WDR73: variants seen among roughly 807,000 people sequenced by gnomAD.
WDR73 encodes the protein WD repeat domain 73, also known as integrator complex assembly factor WDR73.
Under a neutral mutation model 38.2 loss-of-function variants are expected in WDR73, and 30 were observed. That is an observed-to-expected ratio of 0.79 (90% CI 0.59 to 1.06). The LOEUF (loss-of-function observed/expected upper bound fraction) is 1.06. WDR73 is among the 50% of genes least tolerant of loss of function. The probability of loss-of-function intolerance (pLI) is 0.00; values close to 1 mark genes in which losing one functional copy is unlikely to be tolerated. For synonymous variants in WDR73, 197 were observed against 176.0 expected (o/e 1.12, Z -0.94); for missense variants, 487 against 467.0 (o/e 1.04, Z -0.40).
intron 3 of WDR73, among the ~76,000 whole-genome samples, chr15:84,652,003 G>GA (rs1203150907): frequency 1.3e-5 from 2 of 152,124 alleles, no homozygotes; most frequent in Non-Finnish European, 2.9e-5. Context: ...GAGTAGCTGG[G>GA]ATTACAGGTG....
chr15:84,649,810 A>G (rs1270287488), intron 3 of WDR73, among the ~76,000 whole-genome samples: 1 of 152,068 alleles, frequency 6.6e-6, no homozygotes, highest in Admixed American at 6.6e-5. Flanking sequence ...TGGGCTTGCC[A>G]TGTTGTCCAG....
intron 6 of WDR73, 151 bp downstream of exon 6, chr15:84,646,033 A>G (rs576575240): frequency 1.9e-6 from 3 of 1,543,744 alleles, no homozygotes; most frequent in Non-Finnish European, 2.6e-6. Flanking sequence ...GCCCCAGCAT[A>G]GGAGCCCTTA....
intron 4 of WDR73, 79 bp downstream of exon 4, chr15:84,648,455 TGAG>T: frequency 7.4e-6 from 7 of 950,966 alleles, no homozygotes; most frequent in Admixed American, 3.5e-5. Flanking sequence ...GGAATGGAGA[TGAG>T]GAGGCAGAAT....
intron 3 of WDR73, among the ~76,000 whole-genome samples, chr15:84,650,790 C>G (rs1213873619): frequency 6.6e-6 from 1 of 152,052 alleles, no homozygotes; most frequent in Admixed American, 6.6e-5. Flanking sequence ...CATGAGTCAC[C>G]GCACTCGGAT....
rs1383743010 is a variant in WDR73 at position 84,643,640 on chromosome 15, G to T, written c.967C>A (p.Pro323Thr). ...ATGTGACCTCTGTGAGTGAAGAGAG[G>T]TTCTACTTGGCTCCGTGTTCCATCT... is the stretch of plus-strand genomic sequence containing the variant. ...SQDGTRSQVE[P>T]LFTHRGHIFL... The change falls in exon 8 of 8, where the codon CCT (proline) becomes ACT (threonine). Residue 323 changes from proline (P) to threonine (T), a missense_variant. Pro to Thr is a conservative substitution (Grantham distance 38). Transcript: ENST00000434634. The T allele has an allele frequency of 6.2e-7, 1 of 1,612,362 alleles. No homozygotes were observed. The highest frequency in any genetic ancestry group is 8.5e-7 in the Non-Finnish European group (1 of 1,179,238).
rs201294090 is a variant in WDR73 at position 84,643,672 on chromosome 15, C to T, written c.935G>A (p.Arg312Gln). Residue 312 changes from arginine to glutamine, a missense_variant, in exon 8 of 8, where the codon CGG becomes CAG. By Grantham distance (43) the Arg-to-Gln change is conservative (BLOSUM62 1). Transcript: ENST00000434634. ...VYDATSWDGT[R>Q]SQDGTRSQVE... ...TTGGCTCCGTGTTCCATCTTGGCTC[C>T]GTGTTCCATCCCAAGATGTGGCATC... 3.0e-4 allele frequency: 418 copies of T among 1,374,750 alleles called. 1 individual carries two copies. The African/African-American group carries it at 5.1e-3, about 17-fold the overall frequency. 85.2% of individuals were successfully genotyped at this position (1,374,750 alleles called of 1,614,324 possible).
chr15:84,650,516 A>G (rs1896589146), intron 3 of WDR73, among the ~76,000 whole-genome samples: 2 of 152,132 alleles, frequency 1.3e-5, no homozygotes, highest in East Asian at 3.9e-4. Context: ...GCATGCCACC[A>G]CACCCGGCTA....
intron 1 of WDR73, 149 bp downstream of exon 1, chr15:84,654,085 G>T: frequency 1.9e-6 from 2 of 1,035,994 alleles, no homozygotes; most frequent in South Asian, 1.4e-5. Context: ...GGGGGCCTAG[G>T]CCCAGGCGGA....
At chr15:84,645,364 C>T (rs1206616861) in intron 7 of WDR73, 107 bp downstream of exon 7, 2 of 1,552,648 alleles carry the variant, frequency 1.3e-6, no homozygotes, top group East Asian at 2.4e-5. Flanking sequence ...GCAACTTTAA[C>T]TCCTGGAGCC....
chr15:84,643,639 GGTTCTACTTGGCTCCGT>G lies in WDR73; in HGVS notation c.951_967del (p.Arg318SerfsTer40). On this transcript the variant is annotated frameshift_variant, in exon 8 of 8. Transcript: ENST00000434634. LOFTEE classifies it high-confidence loss of function. ...GATGTGACCTCTGTGAGTGAAGAGA[GGTTCTACTTGGCTCCGT>G]GTTCCATCTTGGCTCCGTGTTCCAT... The G allele has an allele frequency of 1.2e-6, 2 of 1,612,630 alleles. No individual in the cohort carries two copies. The highest frequency in any genetic ancestry group is 1.1e-5 in the South Asian group (1 of 90,614).
At chr15:84,646,073 G>T in intron 6 of WDR73, 111 bp downstream of exon 6, 2 of 1,564,776 alleles carry the variant, frequency 1.3e-6, no homozygotes, top group Non-Finnish European at 1.7e-6. Context: ...TATTCACTGT[G>T]TATCCCCAAC....
intron 7 of WDR73, chr15:84,644,152 T>C (rs1361332324): frequency 1.2e-5 from 2 of 160,294 alleles, no homozygotes; most frequent in African/African-American, 2.4e-5. Flanking sequence ...ACTGTTATTT[T>C]ACCCAGGAAA....
intron 7 of WDR73, chr15:84,644,575 CTTTTTTT>C (rs397853712): frequency 0.027 from 2,936 of 109,584 alleles, 50 homozygotes; most frequent in Middle Eastern, 0.056. Context: ...TGGCTTGCTA[CTTTTTTT>C]TTTTTTTTTT....
At position 84,654,282 on chromosome 15, in the gene WDR73, A is replaced by T; in HGVS notation, c.-8T>A. Reference sequence around the variant, plus strand: ...GTCGTCCCCAGGATCCATGGCAACGACCGCTTCCGGCGTCTCACTTCCGCC... The same window carrying T: ...GTCGTCCCCAGGATCCATGGCAACGTCCGCTTCCGGCGTCTCACTTCCGCC... On this transcript the variant is annotated 5_prime_UTR_variant, in exon 1 of 8. Coordinates refer to ENST00000434634, the MANE Select transcript of WDR73 (RefSeq NM_032856.5). The T allele has an allele frequency of 6.2e-7, 1 of 1,613,848 alleles. No homozygotes were observed. The highest frequency in any genetic ancestry group is 8.5e-7 in the Non-Finnish European group (1 of 1,179,808).
In WDR73 at chr15:84,642,917, ATGGGCCCTCAAAAGGAAATGTTTG is replaced by A. The variant is rs930309739; in HGVS notation, c.*529_*552del. ...TGTCCAGCACACTTTAATATTCACT[ATGGGCCCTCAAAAGGAAATGTTTG>A]TGGGGCCACCAAAAGCAAATGTCTC... On this transcript the variant is annotated 3_prime_UTR_variant, in exon 8 of 8. Coordinates refer to ENST00000434634, the MANE Select transcript of WDR73 (RefSeq NM_032856.5). 2 of 157,072 alleles carry A rather than the reference ATGGGCCCTCAAAAGGAAATGTTTG, an allele frequency of 1.3e-5. No individual in the cohort carries two copies. Among genetic ancestry groups the A allele is most frequent in the African/African-American group, 4.8e-5 (2 of 41,422 alleles). The allele number at this position is 157,072 out of a possible 1,614,324, so 9.7% of individuals were successfully genotyped here.
chr15:84,646,239 C>G lies in WDR73; in HGVS notation c.462G>C (p.Arg154Ser), dbSNP rs1896456153. The change falls in exon 6 of 8, where the codon AGG (arginine) becomes AGC (serine). Residue 154 changes from arginine to serine, a missense_variant. Transcript: ENST00000434634. Reference sequence around the variant, plus strand: ...GATCAACGACCTGCAGACTTCGGAGCCTCGCCCCATGGAGGACTCCGGGTG... The same window carrying G: ...GATCAACGACCTGCAGACTTCGGAGGCTCGCCCCATGGAGGACTCCGGGTG... Reference protein sequence around the residue: ...TLAPGVLHGARLRSLQVVDLE... With the variant: ...TLAPGVLHGASLRSLQVVDLE... 2 of 1,613,922 alleles carry G rather than the reference C, an allele frequency of 1.2e-6. No homozygotes were observed. The highest frequency in any genetic ancestry group is 4.5e-5 in the East Asian group (2 of 44,876).
At position 84,641,352 on chromosome 15, in the gene WDR73, G is replaced by A. The variant is rs949419272; in HGVS notation, c.*2118C>T. On this transcript the variant is annotated 3_prime_UTR_variant, in exon 8 of 8. Transcript: ENST00000434634. The stretch of plus-strand genomic sequence containing the variant: ...AAGCCAGCACTGGTTAAGGGCTGAG[G>A]GGAACCAGGCACTCAGTGCACCCAG... The A allele has an allele frequency of 5.9e-5, 9 of 152,178 alleles. No individual in the cohort carries two copies. Among genetic ancestry groups the A allele is most frequent in the African/African-American group, 2.2e-4 (9 of 41,444 alleles). The allele number at this position is 152,178 out of a possible 1,614,324, so 9.4% of individuals were successfully genotyped here.
At chr15:84,647,094 C>G (rs985334000) in intron 5 of WDR73, 1 of 152,250 alleles carries the variant, frequency 6.6e-6, no homozygotes, top group East Asian at 1.9e-4. Context: ...GGGGTTTCGC[C>G]ATGTTGCTCG....
intron 3 of WDR73, 86 bp from the exon 4 acceptor site, chr15:84,648,711 C>T: frequency 9.2e-7 from 1 of 1,089,196 alleles, no homozygotes; most frequent in Non-Finnish European, 1.4e-6. Context: ...AGGTCCTAGC[C>T]TGGCAGGAGG....
Sources: gnomAD v4.1 joint callset for allele counts (sites outside exome capture counted in the v4.1 genomes callset) on GRCh38, gnomAD v4.1.1 for gene constraint, MANE v1.5 for transcripts, NCBI Gene and HGNC (gene_info 2026-07-23, HGNC 2026-07-21) for gene names.